Variants in PRCD observed in about 807,000 individuals in gnomAD.
PRCD encodes the protein photoreceptor disk component PRCD.
A neutral mutation model predicts 10.1 loss-of-function variants in PRCD; 12 were observed. The ratio of observed to expected loss-of-function variants is 1.18; its 90% CI spans 0.76 to 1.92. PRCD has a LOEUF of 1.92. Among genes scored for constraint, PRCD ranks in the 40% most tolerant of loss-of-function variants. The pLI, the probability that PRCD is intolerant of heterozygous loss-of-function variation, is 0.00. For synonymous variants in PRCD, 31 were observed against 26.2 expected, an observed-to-expected ratio of 1.18 and a Z score of -0.56; for missense variants, 61 against 72.2, an observed-to-expected ratio of 0.84 and a Z score of 0.56.
chr17:76,544,641 C>T lies in PRCD; in HGVS notation c.*991C>T, dbSNP rs1336245544. The T allele has an allele frequency of 4.4e-6, 2 of 456,790 alleles. No homozygotes were observed. The highest frequency in any genetic ancestry group is 8.8e-6 in the Non-Finnish European group (2 of 226,984). 28.3% of individuals were successfully genotyped at this position (456,790 alleles called of 1,614,324 possible). The stretch of plus-strand genomic sequence containing the variant: ...CCTGTCTCAGCTCCTGTCAGCCTGT[C>T]TCTCTCTTTGGAGGCATCGGCCTTC... On this transcript the variant is annotated 3_prime_UTR_variant, in exon 5 of 5. Coordinates refer to ENST00000592014, the MANE Select transcript of PRCD (RefSeq NM_001077620.3).
rs1463442399 is a variant in PRCD, at chr17:76,543,214, C to T, written c.*152+93C>T. 9 of 404,928 alleles carry T rather than the reference C, an allele frequency of 2.2e-5. No individual in the cohort carries two copies. The highest frequency in any genetic ancestry group is 4.2e-5 in the African/African-American group (2 of 47,998). 25.1% of individuals were successfully genotyped at this position (404,928 alleles called of 1,614,324 possible). On this transcript the variant is annotated intron_variant, in intron 4 of 4. Transcript: ENST00000592014. ...CTGAGCAGGACCTGGCTGGGCCTGG[C>T]AGAAAGAGCAGACGTGCTCGCTGCT...
At position 76,528,829 on chromosome 17, in the gene PRCD, G is replaced by A. The variant is rs754508091; in HGVS notation, n.45+996G>A. 4.5e-5 allele frequency: 53 copies of A among 1,188,190 alleles called. No homozygotes were observed. The highest frequency in any genetic ancestry group is 2.7e-4 in the South Asian group (6 of 22,594). The allele number at this position is 1,188,190 out of a possible 1,614,324, so 73.6% of individuals were successfully genotyped here. A position where few individuals can be genotyped will look rare whatever the true frequency, so the allele number is the denominator to read the frequency against. The stretch of plus-strand genomic sequence containing the variant: ...AAGTCTACTGGCCCATGGGAGCTCC[G>A]GATCTTTTTCTCTAAAATGTGAATA... On this transcript the variant is annotated intron_variant and non_coding_transcript_variant, in intron 1 of 4. Coordinates refer to the PRCD transcript ENST00000397633. The surrounding 1 kb of genome is among the most constrained non-coding windows in gnomAD (Gnocchi z 5.8).
chr17:76,529,915 G>C, intron 1 of PRCD: 1 of 985,268 alleles, frequency 1.0e-6, no homozygotes, highest in Non-Finnish European at 1.2e-6. Context: ...ACGGGAGAGG[G>C]GGGAGGGGAG....
intron 2 of PRCD, among the ~76,000 whole-genome samples, chr17:76,541,759 C>T (rs553939098): frequency 2.4e-4 from 36 of 152,264 alleles, no homozygotes; most frequent in South Asian, 4.1e-4. Flanking sequence ...GGGTGGTCCA[C>T]GCTATTGAGC....
At chr17:76,537,564 G>T, upstream of PRCD, 1 of 1,318,940 alleles carries the variant, frequency 7.6e-7, no homozygotes, top group African/African-American at 1.5e-5. Context: ...AGCCCAGCCC[G>T]GCTTTGCTCG....
chr17:76,537,583 G>T (rs1378000667), upstream of PRCD: 2 of 1,241,514 alleles, frequency 1.6e-6, no homozygotes, highest in African/African-American at 1.6e-5. Context: ...CGGCGGCGGC[G>T]GTGGCGGGGC....
intron 1 of PRCD, among the ~76,000 whole-genome samples, chr17:76,534,704 C>T (rs906159371): frequency 3.3e-5 from 5 of 152,126 alleles, no homozygotes; most frequent in Non-Finnish European, 7.4e-5. Context: ...CAGGCAGGCC[C>T]GCTTTGACAG....
chr17:76,552,435 G>A (rs1022683369), intron 1 of PRCD, among the ~76,000 whole-genome samples: 70 of 151,832 alleles, frequency 4.6e-4, no homozygotes, highest in Admixed American at 9.8e-4. Flanking sequence ...TCCTGACCTC[G>A]TGATCCACCC....
chr17:76,544,921 A>C lies in PRCD; in HGVS notation c.*1271A>C. The stretch of plus-strand genomic sequence containing the variant: ...ACGCCACTGTTCCGAGAACCTGCGC[A>C]GGAGGTGGTGGCTGCTCCAGGGATC... On this transcript the variant is annotated 3_prime_UTR_variant, in exon 5 of 5. Coordinates refer to ENST00000592014, the MANE Select transcript of PRCD (RefSeq NM_001077620.3). 1 of 456,756 alleles carries C rather than the reference A, an allele frequency of 2.2e-6. No homozygotes were observed. Among genetic ancestry groups the C allele is most frequent in the Non-Finnish European group, 4.4e-6 (1 of 226,976 alleles). 28.3% of individuals were successfully genotyped at this position (456,756 alleles called of 1,614,324 possible).
At chr17:76,535,330 G>A (rs1309436074), upstream of PRCD, among the ~76,000 whole-genome samples, 1 of 152,218 alleles carries the variant, frequency 6.6e-6, no homozygotes, top group Non-Finnish European at 1.5e-5. Flanking sequence ...CCTTGAGGAT[G>A]TGTATGTTGT....
chr17:76,547,722 TACATTCACACACACACATACACAA>T (rs1453103097), downstream of PRCD, among the ~76,000 whole-genome samples: 5 of 135,210 alleles, frequency 3.7e-5, no homozygotes, highest in Non-Finnish European at 6.3e-5. Context: ...CAGAGACACA[TACATTCACACACACACATACACAA>T]ACACAGTCAT....
rs2074847882 is a variant in PRCD, at chr17:76,531,790, G to C, written n.45+3957G>C. The C allele has an allele frequency of 3.2e-6, 3 of 948,642 alleles. No individual in the cohort carries two copies. Among genetic ancestry groups the C allele is most frequent in the African/African-American group, 3.3e-5 (2 of 61,076 alleles). 58.8% of individuals were successfully genotyped at this position (948,642 alleles called of 1,614,324 possible). A position where few individuals can be genotyped will look rare whatever the true frequency, so the allele number is the denominator to read the frequency against. On this transcript the variant is annotated intron_variant and non_coding_transcript_variant, in intron 1 of 4. Transcript: ENST00000397633. The surrounding 1 kb of genome is among the most constrained non-coding windows in gnomAD (Gnocchi z 7.4). ...GGGGGCTGAAGAAGTGGACCGCAGTGCTCCCCACCCCCGCACCGTCACTGT... is the reference window on the plus strand; with the variant it reads ...GGGGGCTGAAGAAGTGGACCGCAGTCCTCCCCACCCCCGCACCGTCACTGT...
At chr17:76,532,667 G>A (rs1346370267) in intron 1 of PRCD, among the ~76,000 whole-genome samples, 14 of 151,910 alleles carry the variant, frequency 9.2e-5, no homozygotes, top group Admixed American at 9.2e-4. Context: ...GAGTAGCTGG[G>A]ACTACAGGCA....
Position 76,530,573 on chromosome 17 carries a change from A to G in PRCD, n.45+2740A>G, listed in dbSNP as rs2074824497. ...GCACTGGTCGGCATGAGATGAAAAA[A>G]CAGCCCCTTGTGATTGGCACCCAGG... On this transcript the variant is annotated intron_variant and non_coding_transcript_variant, in intron 1 of 4. Transcript: ENST00000397633. This position sits in a 1 kb window ranked among gnomAD's most constrained non-coding sequence, Gnocchi z 6.1. Among the ~76,000 whole-genome samples, 1 of 152,070 alleles carries G rather than the reference A, an allele frequency of 6.6e-6. No individual in the cohort carries two copies. The highest frequency in any genetic ancestry group is 1.5e-5 in the Non-Finnish European group (1 of 68,002).
In PRCD at chr17:76,530,142, G is replaced by GCA; in HGVS notation, n.45+2309_45+2310insCA. 1.0e-6 allele frequency: 1 copy of GCA among 965,482 alleles called. No individual in the cohort carries two copies. Among genetic ancestry groups the GCA allele is most frequent in the Middle Eastern group, 5.3e-4 (1 of 1,876 alleles). The allele number at this position is 965,482 out of a possible 1,614,324, so 59.8% of individuals were successfully genotyped here. On this transcript the variant is annotated intron_variant and non_coding_transcript_variant, in intron 1 of 4. Transcript: ENST00000397633. The surrounding 1 kb of genome is among the most constrained non-coding windows in gnomAD (Gnocchi z 6.1). ...CCACGGGAATGTTTCTCTACCACGC[G>GCA]TGTCCCGGGCTGCTGGCTGACCTCT...
chr17:76,537,329 C>G, upstream of PRCD: 1 of 1,457,006 alleles, frequency 6.9e-7, no homozygotes. Context: ...GGACCCGGGC[C>G]CAGCCCTCCT....
rs768005519 is a variant in PRCD at position 76,530,940 on chromosome 17, C to T, written n.45+3107C>T. 1.2e-5 allele frequency: 18 copies of T among 1,530,072 alleles called. No homozygotes were observed. The highest frequency in any genetic ancestry group is 9.6e-5 in the African/African-American group (7 of 72,596). 94.8% of individuals were successfully genotyped at this position (1,530,072 alleles called of 1,614,324 possible). Reference sequence around the variant, plus strand: ...ACCTCGGGGACAGCAGAGGACATGGCGGGGAGGCTGCCCAGCCCACCCTCG... The same window carrying T: ...ACCTCGGGGACAGCAGAGGACATGGTGGGGAGGCTGCCCAGCCCACCCTCG... On this transcript the variant is annotated intron_variant and non_coding_transcript_variant, in intron 1 of 4. Coordinates refer to the PRCD transcript ENST00000397633. The surrounding 1 kb of genome is among the most constrained non-coding windows in gnomAD (Gnocchi z 6.1).
rs2074837160 is a variant in PRCD, at chr17:76,531,240, C to G, written n.45+3407C>G. On this transcript the variant is annotated intron_variant and non_coding_transcript_variant, in intron 1 of 4. Transcript: ENST00000397633. The surrounding 1 kb of genome is among the most constrained non-coding windows in gnomAD (Gnocchi z 7.4). Reference sequence around the variant, plus strand: ...CCCACGTGTGGCCGAGAGGATCATTCCTAACGCAACAGTCTGGCAGCTTTG... The same window carrying G: ...CCCACGTGTGGCCGAGAGGATCATTGCTAACGCAACAGTCTGGCAGCTTTG... The G allele has an allele frequency of 1.5e-6, 2 of 1,364,484 alleles. No homozygotes were observed. The highest frequency in any genetic ancestry group is 2.0e-6 in the Non-Finnish European group (2 of 994,494). 84.5% of individuals were successfully genotyped at this position (1,364,484 alleles called of 1,614,324 possible). A position where few individuals can be genotyped will look rare whatever the true frequency, so the allele number is the denominator to read the frequency against.
chr17:76,540,245 G>A lies in PRCD; in HGVS notation c.74+30G>A. 1 of 1,337,846 alleles carries A rather than the reference G, an allele frequency of 7.5e-7. No homozygotes were observed. The highest frequency in any genetic ancestry group is 1.0e-6 in the Non-Finnish European group (1 of 979,560). 82.9% of individuals were successfully genotyped at this position (1,337,846 alleles called of 1,614,324 possible). A position where few individuals can be genotyped will look rare whatever the true frequency, so the allele number is the denominator to read the frequency against. ...GAAACTGACCGGGCTATGGCTGGCGGTTGGTCGGGGGGGGGGGGCATGGGG... is the reference window on the plus strand; with the variant it reads ...GAAACTGACCGGGCTATGGCTGGCGATTGGTCGGGGGGGGGGGGCATGGGG... On this transcript the variant is annotated intron_variant, in intron 1 of 4. Coordinates refer to ENST00000592014, the MANE Select transcript of PRCD (RefSeq NM_001077620.3). The surrounding 1 kb of genome is among the most constrained non-coding windows in gnomAD (Gnocchi z 5.0).
Sources: gnomAD v4.1 joint callset for allele counts (sites outside exome capture counted in the v4.1 genomes callset) on GRCh38, gnomAD v4.1.1 for gene constraint, Gnocchi (gnomAD v3.1) non-coding constraint, MANE v1.5 for transcripts, NCBI Gene and HGNC (gene_info 2026-07-23, HGNC 2026-07-21) for gene names.